The following PDE4D variants were observed in gnomAD, a reference collection of about 807,000 sequenced individuals.
PDE4D encodes the protein phosphodiesterase 4D, also known as 3',5'-cyclic-AMP phosphodiesterase 4D.
Under a neutral mutation model 87.4 loss-of-function variants are expected in PDE4D, and 24 were observed. The ratio of observed to expected loss-of-function variants is 0.27; its 90% CI spans 0.20 to 0.39. The LOEUF is 0.39. Ranked by LOEUF, PDE4D falls within the 10% of genes least tolerant of loss-of-function variation. The probability of loss-of-function intolerance (pLI) is 1.00; values close to 1 mark genes in which losing one functional copy is unlikely to be tolerated. For synonymous variants in PDE4D, 384 were observed against 383.2 expected, an observed-to-expected ratio of 1.00 and a Z score of -0.02; for missense variants, 714 against 1,041.0, an observed-to-expected ratio of 0.69 and a Z score of 4.32.
rs77057519 is a variant in PDE4D at position 59,456,541 on chromosome 5, G to A, written c.456-240573C>T. ...GACTAATACAATACACAAGATTCAT[G>A]TTGTTTTTATGCTTAACACAACATT... On this transcript the variant is annotated intron_variant, in intron 1 of 14. Coordinates refer to ENST00000340635, the MANE Select transcript of PDE4D (RefSeq NM_001104631.2). Among the ~76,000 whole-genome samples the A allele has an allele frequency of 4.8e-3, 731 of 152,172 alleles. 7 individuals are homozygous for A. Among genetic ancestry groups the A allele is most frequent in the African/African-American group, 0.017 (685 of 41,514 alleles).
chr5:59,587,766 T>TGGTC, intron 1 of PDE4D, among the ~76,000 whole-genome samples: 1 of 152,112 alleles, frequency 6.6e-6, no homozygotes, highest in East Asian at 1.9e-4. Context: ...CAAAAGGGGT[T>TGGTC]AAAGGAATAG....
chr5:59,180,655 C>G lies in PDE4D; in HGVS notation c.759-11G>C, dbSNP rs773421736. 4.3e-6 allele frequency: 7 copies of G among 1,611,798 alleles called. No individual in the cohort carries two copies. Among genetic ancestry groups the G allele is most frequent in the East Asian group, 2.2e-5 (1 of 44,802 alleles). On this transcript the variant is annotated splice_polypyrimidine_tract_variant and intron_variant, in intron 4 of 14. Transcript: ENST00000340635. ...CACATGGGTGATCTTCTGACAAAGACAGAAAAACACAAAGCAGTAAATATG... is the reference window on the plus strand; with the variant it reads ...CACATGGGTGATCTTCTGACAAAGAGAGAAAAACACAAAGCAGTAAATATG...
chr5:60,502,036 G>C (rs1468251191), intron 1 of PDE4D, among the ~76,000 whole-genome samples: 2 of 151,988 alleles, frequency 1.3e-5, no homozygotes, highest in Non-Finnish European at 2.9e-5. Context: ...TTTGGCTTTG[G>C]TTGCCATTGC....
intron 1 of PDE4D, among the ~76,000 whole-genome samples, chr5:60,449,388 C>T (rs1186509250): frequency 2.7e-5 from 4 of 149,952 alleles, no homozygotes; most frequent in African/African-American, 9.8e-5. Flanking sequence ...TAAACTATCG[C>T]AAGAACAAAA....
chr5:59,551,422 A>G (rs1220720054), intron 1 of PDE4D, among the ~76,000 whole-genome samples: 1 of 151,396 alleles, frequency 6.6e-6, no homozygotes, highest in African/African-American at 2.4e-5. Flanking sequence ...TTTCAACACC[A>G]TTTATTGAAT....
intron 3 of PDE4D, among the ~76,000 whole-genome samples, chr5:59,956,243 CAACT>C (rs962667323): frequency 5.3e-5 from 8 of 152,138 alleles, no homozygotes; most frequent in Non-Finnish European, 5.9e-5. Flanking sequence ...AGAAACCACA[CAACT>C]AATAACAACC....
At chr5:59,633,213 A>C (rs1831796465) in intron 1 of PDE4D, among the ~76,000 whole-genome samples, 1 of 152,214 alleles carries the variant, frequency 6.6e-6, no homozygotes, top group Admixed American at 6.5e-5. Flanking sequence ...GGAATGAAAA[A>C]AGCTTCCAAG....
intron 1 of PDE4D, among the ~76,000 whole-genome samples, chr5:59,517,968 T>G (rs1295533818): frequency 1.3e-5 from 2 of 152,322 alleles, no homozygotes; most frequent in African/African-American, 4.8e-5. Flanking sequence ...ATATCTAAAT[T>G]TATTAGTTAA....
chr5:59,025,398 T>A (rs1172158910), intron 6 of PDE4D, among the ~76,000 whole-genome samples: 2 of 152,186 alleles, frequency 1.3e-5, no homozygotes, highest in African/African-American at 4.8e-5. Flanking sequence ...ACAACACAAG[T>A]TACCTTAATA....
intron 1 of PDE4D, among the ~76,000 whole-genome samples, chr5:60,517,181 C>T (rs912848210): frequency 2.2e-4 from 34 of 152,232 alleles, no homozygotes; most frequent in African/African-American, 8.0e-4. Flanking sequence ...CACCAGCCCC[C>T]TGTTGCCTCG....
chr5:60,473,124 AAAGGAAGGAAGG>A (rs562842272), intron 1 of PDE4D, among the ~76,000 whole-genome samples: 4,275 of 81,046 alleles, frequency 0.053, 114 homozygotes, highest in East Asian at 0.14. Flanking sequence ...AGAGAGAAAG[AAAGGAAGGAAGG>A]AAGGAAGGAA....
intron 2 of PDE4D, among the ~76,000 whole-genome samples, chr5:60,105,008 C>T (rs754218977): frequency 1.9e-4 from 29 of 152,130 alleles, no homozygotes; most frequent in Admixed American, 3.3e-4. Context: ...CAAAGCTGGA[C>T]GAAGAATGAC....
chr5:59,192,344 G>T (rs150003581), intron 3 of PDE4D, among the ~76,000 whole-genome samples: 1 of 152,062 alleles, frequency 6.6e-6, no homozygotes, highest in East Asian at 1.9e-4. Flanking sequence ...TTTTATAAGC[G>T]TGGTATTATT....
chr5:59,338,859 C>T (rs1158556644), intron 1 of PDE4D, among the ~76,000 whole-genome samples: 3 of 151,906 alleles, frequency 2.0e-5, no homozygotes, highest in African/African-American at 7.3e-5. Flanking sequence ...TTATGCTTCT[C>T]GATGACATTT....
At chr5:59,257,859 A>AT (rs1282450438) in intron 1 of PDE4D, among the ~76,000 whole-genome samples, 2 of 151,882 alleles carry the variant, frequency 1.3e-5, no homozygotes, top group African/African-American at 4.8e-5. Context: ...TTCCTAGGTG[A>AT]AGTCCACTCT....
intron 1 of PDE4D, among the ~76,000 whole-genome samples, chr5:59,730,939 T>C (rs1039736893): frequency 2.0e-5 from 3 of 152,166 alleles, no homozygotes; most frequent in African/African-American, 7.2e-5. Context: ...AAAACCCTTA[T>C]GTTATATTGC....
chr5:59,036,306 G>C (rs1758487617), intron 6 of PDE4D, among the ~76,000 whole-genome samples: 1 of 152,144 alleles, frequency 6.6e-6, no homozygotes, highest in African/African-American at 2.4e-5. Context: ...AGAGAACACA[G>C]AAAACTGTCA....
intron 5 of PDE4D, among the ~76,000 whole-genome samples, chr5:59,162,017 G>A (rs940485884): frequency 1.3e-5 from 2 of 152,154 alleles, no homozygotes; most frequent in African/African-American, 4.8e-5. Flanking sequence ...AAAGCAGATT[G>A]GACTACATTC....
intron 1 of PDE4D, among the ~76,000 whole-genome samples, chr5:59,330,761 G>A (rs953260712): frequency 2.0e-5 from 3 of 152,134 alleles, no homozygotes; most frequent in Admixed American, 2.0e-4. Flanking sequence ...ATTTGGTTAT[G>A]TTGTTTCAGC....
Sources: gnomAD v4.1 joint callset for allele counts (sites outside exome capture counted in the v4.1 genomes callset) on GRCh38, gnomAD v4.1.1 for gene constraint, MANE v1.5 for transcripts, NCBI Gene and HGNC (gene_info 2026-07-23, HGNC 2026-07-21) for gene names.